The following TFDP2 variants were observed in gnomAD, a reference collection of about 807,000 sequenced individuals.
TFDP2 encodes the protein transcription factor Dp-2.
In TFDP2, 17 loss-of-function variants were observed where a neutral mutation model predicts 59.3. The observed-to-expected ratio is 0.29, with a 90% CI of 0.20 to 0.43. TFDP2 has a LOEUF of 0.43. Ranked by LOEUF, TFDP2 falls within the 20% of genes least tolerant of loss-of-function variation. The pLI is 1.00. For synonymous variants in TFDP2, 180 were observed against 194.7 expected, an observed-to-expected ratio of 0.92 and a Z score of 0.63; for missense variants, 391 against 528.8, an observed-to-expected ratio of 0.74 and a Z score of 2.56.
At chr3:141,977,206 A>G (rs1940821922) in intron 7 of TFDP2, among the ~76,000 whole-genome samples, 1 of 147,836 alleles carries the variant, frequency 6.8e-6, no homozygotes, top group African/African-American at 2.5e-5. Context: ...GGCTCAAGCA[A>G]TCCTCCTCAG....
At chr3:142,134,727 G>A (rs2062655621) in intron 1 of TFDP2, among the ~76,000 whole-genome samples, 1 of 152,040 alleles carries the variant, frequency 6.6e-6, no homozygotes. Context: ...TAAGTCAGAA[G>A]CTCCTAATAT....
intron 6 of TFDP2, among the ~76,000 whole-genome samples, chr3:141,991,160 AAAT>A (rs1942722234): frequency 6.6e-6 from 1 of 152,246 alleles, no homozygotes; most frequent in South Asian, 2.1e-4. Flanking sequence ...AATTACACCC[AAAT>A]AATAAAAAAG....
chr3:141,969,438 C>T (rs1465988959), intron 9 of TFDP2, among the ~76,000 whole-genome samples: 2 of 150,794 alleles, frequency 1.3e-5, no homozygotes, highest in Non-Finnish European at 2.9e-5. Flanking sequence ...TGGTGAAACC[C>T]CGTCTCTACT....
intron 3 of TFDP2, among the ~76,000 whole-genome samples, chr3:142,026,958 T>A (rs1946140424): frequency 6.6e-6 from 1 of 152,232 alleles, no homozygotes; most frequent in African/African-American, 2.4e-5. Context: ...GCAAAGGTCT[T>A]AGGAATAAGC....
At chr3:142,000,976 G>A (rs548779982) in intron 4 of TFDP2, among the ~76,000 whole-genome samples, 1 of 152,158 alleles carries the variant, frequency 6.6e-6, no homozygotes, top group Non-Finnish European at 1.5e-5. Context: ...GTTCTCCTGG[G>A]TTAGAGTTTG....
chr3:141,983,682 A>C (rs1011350524), intron 6 of TFDP2, among the ~76,000 whole-genome samples: 4 of 152,122 alleles, frequency 2.6e-5, no homozygotes, highest in African/African-American at 9.7e-5. Flanking sequence ...AGATATACAA[A>C]TAGCCAAAAA....
chr3:142,051,972 A>G (rs188644220), intron 3 of TFDP2, among the ~76,000 whole-genome samples: 1 of 152,038 alleles, frequency 6.6e-6, no homozygotes, highest in Non-Finnish European at 1.5e-5. Flanking sequence ...CAAAAAATTT[A>G]AAAATTAGCT....
At chr3:142,075,031 G>C (rs533640055) in intron 3 of TFDP2, among the ~76,000 whole-genome samples, 2 of 151,932 alleles carry the variant, frequency 1.3e-5, no homozygotes, top group Admixed American at 1.3e-4. Flanking sequence ...AAATAATGTT[G>C]GATTCTCACG....
At chr3:141,973,268 T>C (rs10935450) in intron 8 of TFDP2, among the ~76,000 whole-genome samples, 11,147 of 151,560 alleles carry the variant, frequency 0.074, 511 homozygotes, top group Non-Finnish European at 0.11. Flanking sequence ...TACAGGCGTC[T>C]GCCACTGGCT....
intron 3 of TFDP2, among the ~76,000 whole-genome samples, chr3:142,080,235 G>A (rs2060590259): frequency 6.6e-6 from 1 of 152,168 alleles, no homozygotes; most frequent in African/African-American, 2.4e-5. Context: ...AAAGTGCTGG[G>A]ATCACAGGAA....
intron 8 of TFDP2, among the ~76,000 whole-genome samples, chr3:141,973,117 ATATATATT>A (rs1358270950): frequency 0.063 from 5,802 of 91,828 alleles, 227 homozygotes; most frequent in African/African-American, 0.12. Flanking sequence ...ATATATATAT[ATATATATT>A]TTTTTTTTTT....
In TFDP2 at chr3:141,952,462, C is replaced by T; in HGVS notation, c.*51G>A. Reference sequence around the variant, plus strand: ...ATCATTTCAAAAACAAGAGCTCACACTACAAACACACATGAGCATCACATA... The same window carrying T: ...ATCATTTCAAAAACAAGAGCTCACATTACAAACACACATGAGCATCACATA... On this transcript the variant is annotated 3_prime_UTR_variant, in exon 13 of 13. Coordinates refer to ENST00000489671, the MANE Select transcript of TFDP2 (RefSeq NM_001178139.2). The T allele has an allele frequency of 2.0e-6, 3 of 1,468,276 alleles. No individual in the cohort carries two copies. The highest frequency in any genetic ancestry group is 3.1e-5 in the South Asian group (2 of 64,776). 91.0% of individuals were successfully genotyped at this position (1,468,276 alleles called of 1,614,324 possible). A position where few individuals can be genotyped will look rare whatever the true frequency, so the allele number is the denominator to read the frequency against.
At chr3:142,136,005 A>C (rs1288606198) in intron 1 of TFDP2, among the ~76,000 whole-genome samples, 1 of 151,956 alleles carries the variant, frequency 6.6e-6, no homozygotes, top group Non-Finnish European at 1.5e-5. Flanking sequence ...GGTTGAACTA[A>C]TTTACACTCC....
chr3:142,072,203 G>A (rs1311413627), intron 3 of TFDP2, among the ~76,000 whole-genome samples: 4 of 152,202 alleles, frequency 2.6e-5, no homozygotes, highest in Non-Finnish European at 5.9e-5. Flanking sequence ...AACTTACTAT[G>A]TGCAGTTGCT....
chr3:141,969,247 A>T (rs1354185699), intron 9 of TFDP2, among the ~76,000 whole-genome samples: 5 of 109,780 alleles, frequency 4.6e-5, no homozygotes, highest in South Asian at 2.5e-4. Flanking sequence ...ATATATATAT[A>T]ACATATATAT....
At chr3:142,119,032 G>T (rs929177599) in intron 1 of TFDP2, among the ~76,000 whole-genome samples, 1 of 152,034 alleles carries the variant, frequency 6.6e-6, no homozygotes, top group Non-Finnish European at 1.5e-5. Flanking sequence ...GTAGTGGCAG[G>T]CGCCTGTAAT....
chr3:142,082,095 T>G (rs1299693364), intron 3 of TFDP2, among the ~76,000 whole-genome samples: 4 of 152,102 alleles, frequency 2.6e-5, no homozygotes, highest in Non-Finnish European at 5.9e-5. Flanking sequence ...CATTACCACC[T>G]GACCTCCACC....
chr3:142,054,611 T>C (rs980204548), intron 3 of TFDP2, among the ~76,000 whole-genome samples: 1 of 152,230 alleles, frequency 6.6e-6, no homozygotes, highest in Non-Finnish European at 1.5e-5. Flanking sequence ...ACAGGTTTCA[T>C]AATTCTCATC....
chr3:142,134,963 AC>A (rs2062665970), intron 1 of TFDP2, among the ~76,000 whole-genome samples: 1 of 152,142 alleles, frequency 6.6e-6, no homozygotes, highest in African/African-American at 2.4e-5. Flanking sequence ...AATTTACCAG[AC>A]ATACCAATAT....
Sources: allele counts gnomAD v4.1 joint callset (sites outside exome capture counted in the v4.1 genomes callset), GRCh38; gene constraint gnomAD v4.1.1; transcripts MANE v1.5; gene names NCBI Gene and HGNC (gene_info 2026-07-23, HGNC 2026-07-21).